ATRNL1: variants seen among roughly 807,000 people sequenced by gnomAD.
ATRNL1 encodes attractin-like protein 1.
ATRNL1 carries 95 observed loss-of-function variants against 182.7 expected under a neutral mutation model. The ratio of observed to expected loss-of-function variants is 0.52; its 90% CI spans 0.44 to 0.62. The LOEUF (loss-of-function observed/expected upper bound fraction) is 0.62. Among genes scored for constraint, ATRNL1 ranks in the 20% least tolerant of loss-of-function variants. ATRNL1 has a pLI of 0.00. For synonymous variants in ATRNL1, 576 were observed against 568.3 expected, an observed-to-expected ratio of 1.01 and a Z score of -0.19; for missense variants, 1,471 against 1,679.5, an observed-to-expected ratio of 0.88 and a Z score of 2.17.
intron 28 of ATRNL1, among the ~76,000 whole-genome samples, chr10:115,942,839 C>A (rs1420141901): frequency 3.3e-5 from 5 of 152,268 alleles, no homozygotes; most frequent in African/African-American, 9.6e-5. Context: ...TGGTTTTACT[C>A]AAGAGTTATA....
chr10:115,653,587 C>A (rs1187615954), intron 26 of ATRNL1, among the ~76,000 whole-genome samples: 2 of 152,166 alleles, frequency 1.3e-5, no homozygotes, highest in Non-Finnish European at 2.9e-5. Flanking sequence ...CTTTAGCACT[C>A]TGGTTATCAT....
At chr10:115,236,420 C>T (rs1554901433) in intron 9 of ATRNL1, among the ~76,000 whole-genome samples, 1 of 152,142 alleles carries the variant, frequency 6.6e-6, no homozygotes, top group African/African-American at 2.4e-5. Flanking sequence ...ATCTCTTCTG[C>T]CAGTGAGAAA....
chr10:115,286,973 A>G (rs1852648762), intron 15 of ATRNL1, among the ~76,000 whole-genome samples: 1 of 151,956 alleles, frequency 6.6e-6, no homozygotes, highest in African/African-American at 2.4e-5. Context: ...TACTTGGAAT[A>G]CTATGCCATT....
chr10:115,651,276 T>C (rs534079479), intron 26 of ATRNL1, among the ~76,000 whole-genome samples: 1 of 152,310 alleles, frequency 6.6e-6, no homozygotes, highest in Non-Finnish European at 1.5e-5. Flanking sequence ...GCTCACTACC[T>C]GGGTGATGGG....
chr10:115,460,179 C>G (rs149751005), intron 21 of ATRNL1, among the ~76,000 whole-genome samples: 3 of 152,128 alleles, frequency 2.0e-5, no homozygotes, highest in Non-Finnish European at 4.4e-5. Context: ...TGTCTATCTA[C>G]GAAGACAATT....
rs571242935 is a variant in ATRNL1, at chr10:115,446,116, G to A, written c.3323-15825G>A. On this transcript the variant is annotated intron_variant, in intron 21 of 28. Coordinates refer to ENST00000355044, the MANE Select transcript of ATRNL1 (RefSeq NM_207303.4). ...AATATTTAGGTTTTCTTCATCAACAGATTTTTTTCTTTATTTAATATATGT... is the reference window on the plus strand; with the variant it reads ...AATATTTAGGTTTTCTTCATCAACAAATTTTTTTCTTTATTTAATATATGT... 5.9e-5 allele frequency among the ~76,000 whole-genome samples: 9 copies of A among 151,984 alleles called. No homozygotes were observed. In the South Asian group the frequency reaches 8.3e-4, roughly 14 times the overall value.
intron 27 of ATRNL1, among the ~76,000 whole-genome samples, chr10:115,806,666 T>C (rs1000484298): frequency 1.3e-5 from 2 of 152,150 alleles, no homozygotes; most frequent in Admixed American, 6.6e-5. Context: ...ATGAAATTTG[T>C]CAGATCAGTG....
chr10:115,116,085 A>G (rs1844473355), intron 1 of ATRNL1, among the ~76,000 whole-genome samples: 1 of 152,146 alleles, frequency 6.6e-6, no homozygotes, highest in African/African-American at 2.4e-5. Context: ...TTTGTTGGCC[A>G]GATGGTCTCT....
intron 26 of ATRNL1, among the ~76,000 whole-genome samples, chr10:115,610,963 C>T (rs1857122595): frequency 6.6e-6 from 1 of 151,414 alleles, no homozygotes; most frequent in South Asian, 2.1e-4. Flanking sequence ...TTAATTTGTT[C>T]TAAAATTTTA....
intron 26 of ATRNL1, among the ~76,000 whole-genome samples, chr10:115,647,532 G>A (rs1265727362): frequency 2.6e-5 from 4 of 152,114 alleles, no homozygotes; most frequent in Non-Finnish European, 4.4e-5. Context: ...GTTTTGATTT[G>A]CATTTCTCTT....
intron 20 of ATRNL1, among the ~76,000 whole-genome samples, chr10:115,400,925 C>A (rs575054409): frequency 4.6e-5 from 7 of 152,042 alleles, no homozygotes; most frequent in African/African-American, 1.7e-4. Context: ...TAATTGGGGG[C>A]ATTTAACCCA....
chr10:115,591,636 A>T (rs1245697570), intron 26 of ATRNL1, among the ~76,000 whole-genome samples: 1 of 152,202 alleles, frequency 6.6e-6, no homozygotes, highest in African/African-American at 2.4e-5. Flanking sequence ...TTCGTGGAGC[A>T]TTGTCTCCTG....
chr10:115,476,139 A>G (rs1321014145), intron 24 of ATRNL1, among the ~76,000 whole-genome samples: 1 of 151,328 alleles, frequency 6.6e-6, no homozygotes. Context: ...TTAGTCCAAA[A>G]TATTTCCTGA....
At chr10:115,238,489 C>G (rs1236072888) in intron 9 of ATRNL1, among the ~76,000 whole-genome samples, 1 of 152,082 alleles carries the variant, frequency 6.6e-6, no homozygotes, top group Non-Finnish European at 1.5e-5. Flanking sequence ...CTAAGTATTT[C>G]TCTTCTTTTG....
intron 26 of ATRNL1, among the ~76,000 whole-genome samples, chr10:115,572,064 T>TG (rs1365138609): frequency 1.3e-5 from 2 of 152,180 alleles, no homozygotes; most frequent in Non-Finnish European, 2.9e-5. Context: ...GAAGAATTAT[T>TG]GCAAATGGAC....
intron 5 of ATRNL1, among the ~76,000 whole-genome samples, chr10:115,150,417 T>C (rs1846170584): frequency 6.6e-6 from 1 of 152,094 alleles, no homozygotes; most frequent in Non-Finnish European, 1.5e-5. Flanking sequence ...TTCTTTGAGG[T>C]GCATCATTAG....
chr10:115,380,932 AT>A (rs1406982555), intron 19 of ATRNL1, among the ~76,000 whole-genome samples: 1 of 152,266 alleles, frequency 6.6e-6, no homozygotes, highest in East Asian at 1.9e-4. Flanking sequence ...TTATATGTAA[AT>A]TTTATGTTTA....
chr10:115,184,631 A>G (rs992916581), intron 8 of ATRNL1, among the ~76,000 whole-genome samples: 2 of 151,786 alleles, frequency 1.3e-5, no homozygotes, highest in Non-Finnish European at 3.0e-5. Flanking sequence ...ATGAAAGTAT[A>G]TTTACCTGTG....
At position 115,340,175 on chromosome 10, in the gene ATRNL1, G is replaced by T. The variant is rs140744355; in HGVS notation, c.3175+5756G>T. Among the ~76,000 whole-genome samples the T allele has an allele frequency of 2.6e-3, 388 of 152,118 alleles. 1 individual carries two copies. The highest frequency in any genetic ancestry group is 8.9e-3 in the African/African-American group (371 of 41,516). ...TTGTTTGTTTTTGACATGGAGTCTCGCTCTGTCACCCAGGCTGGAGTGCAG... is the reference window on the plus strand; with the variant it reads ...TTGTTTGTTTTTGACATGGAGTCTCTCTCTGTCACCCAGGCTGGAGTGCAG... On this transcript the variant is annotated intron_variant, in intron 19 of 28. Coordinates refer to ENST00000355044, the MANE Select transcript of ATRNL1 (RefSeq NM_207303.4).
Sources: allele counts gnomAD v4.1 joint callset (sites outside exome capture counted in the v4.1 genomes callset), GRCh38; gene constraint gnomAD v4.1.1; transcripts MANE v1.5; gene names NCBI Gene and HGNC (gene_info 2026-07-23, HGNC 2026-07-21).